The following TKT variants were observed in gnomAD, a reference collection of about 807,000 sequenced individuals.
TKT encodes transketolase, also known as epididymis luminal protein 107.
Under a neutral mutation model 63.9 loss-of-function variants are expected in TKT, and 47 were observed. That is an observed-to-expected ratio of 0.74 (90% CI 0.58 to 0.94). The LOEUF (loss-of-function observed/expected upper bound fraction) is 0.94. Among genes scored for constraint, TKT ranks in the 40% least tolerant of loss-of-function variants. The pLI is 0.00. For synonymous variants in TKT, 338 were observed against 334.1 expected (o/e 1.01, Z -0.13); for missense variants, 721 against 846.2 (o/e 0.85, Z 1.84).
chr3:53,229,231 G>C, intron 9 of TKT, 49 bp downstream of exon 9: 2 of 1,612,970 alleles, frequency 1.2e-6, no homozygotes, highest in Non-Finnish European at 1.7e-6. Flanking sequence ...ATACCTCCTG[G>C]TGCAAAAGTC....
chr3:53,229,200 A>G, intron 9 of TKT, 63 bp from the exon 10 acceptor site: 1 of 1,613,080 alleles, frequency 6.2e-7, no homozygotes, highest in East Asian at 2.2e-5. Flanking sequence ...ATGGGCTGGA[A>G]TCCTGGCCCA....
At chr3:53,226,187 T>C (rs782284640) in intron 13 of TKT, 1 of 420,560 alleles carries the variant, frequency 2.4e-6, no homozygotes, top group Non-Finnish European at 4.2e-6. Flanking sequence ...CCCAAAGTGC[T>C]GGGATTGCAG....
At chr3:53,242,289 T>G (rs781893606) in intron 1 of TKT, 47 bp from the exon 2 acceptor site, 2 of 1,572,084 alleles carry the variant, frequency 1.3e-6, no homozygotes, top group Non-Finnish European at 1.7e-6. Context: ...GGCCCTGCAC[T>G]CCTGAGCTAT....
chr3:53,241,523 C>T (rs782100029), intron 2 of TKT, among the ~76,000 whole-genome samples: 7 of 152,238 alleles, frequency 4.6e-5, no homozygotes, highest in Non-Finnish European at 8.8e-5. Context: ...AGCAGGCAGC[C>T]GGCTGCCCTA....
chr3:53,228,187 C>G (rs1462873252), intron 11 of TKT, 38 bp from the exon 12 acceptor site: 19 of 1,613,530 alleles, frequency 1.2e-5, no homozygotes, highest in Non-Finnish European at 1.5e-5. Context: ...GCTCAGGGCC[C>G]TGGGGCAGGG....
chr3:53,245,385 G>C (rs1472624895), intron 1 of TKT, among the ~76,000 whole-genome samples: 1 of 151,514 alleles, frequency 6.6e-6, no homozygotes, highest in Non-Finnish European at 1.5e-5. Flanking sequence ...CTGGCCAGGA[G>C]AATCTCTGTC....
chr3:53,233,178 G>C lies in TKT; in HGVS notation c.726C>G (p.Thr242=). 6.2e-7 allele frequency: 1 copy of C among 1,613,974 alleles called. No homozygotes were observed. Among genetic ancestry groups the C allele is most frequent in the Non-Finnish European group, 8.5e-7 (1 of 1,179,942 alleles). Residue 242 remains threonine (T), a synonymous_variant, in exon 6 of 14, where the codon ACC becomes ACG. Transcript: ENST00000462138. ...KHQPTAIIAK[T]FKGRGITGVE... is the part of the protein sequence containing the mutation. ...GACCCGTGATCCCTCGGCCCTTGAA[G>C]GTCTTGGCAATGATGGCTGTTGGCT...
intron 2 of TKT, chr3:53,241,753 G>A: frequency 3.3e-6 from 1 of 301,176 alleles, no homozygotes; most frequent in Non-Finnish European, 6.5e-6. Context: ...CGGGAGCGCT[G>A]GCACAACACA....
At position 53,230,494 on chromosome 3, in the gene TKT, T is replaced by A. The variant is rs782378956; in HGVS notation, c.1070A>T (p.Asp357Val). 3 of 1,614,080 alleles carry A rather than the reference T, an allele frequency of 1.9e-6. No individual in the cohort carries two copies. Among genetic ancestry groups the A allele is most frequent in the African/African-American group, 1.3e-5 (1 of 74,930 alleles). ...FSEIFKKEHPDRFIECYIAEQ... is the reference protein window; with the variant it reads ...FSEIFKKEHPVRFIECYIAEQ... ...AGCAATGTAGCACTCGATGAAGCGG[T>A]CCGGGTGCTCCTTTTTGAAGATCTC... is the stretch of plus-strand genomic sequence containing the variant. The change falls in exon 8 of 14, where the codon GAC becomes GTC. Residue 357 changes from aspartate (D) to valine (V), a missense_variant. By Grantham distance (152) the Asp-to-Val change is radical. Transcript: ENST00000462138.
rs1219756432 is a variant in TKT at position 53,225,571 on chromosome 3, AGC to A, written c.*183_*184del. The A allele has an allele frequency of 1.1e-4, 72 of 646,570 alleles. No homozygotes were observed. In the Admixed American group the frequency reaches 2.3e-3, roughly 21 times the overall value. 40.1% of individuals were successfully genotyped at this position (646,570 alleles called of 1,614,324 possible). ...CAGGACCAAGGACACCAGCCTCCCT[AGC>A]GCACCCTCCACGCTTCTTCCCCAGA... On this transcript the variant is annotated 3_prime_UTR_variant, in exon 14 of 14. Coordinates refer to ENST00000462138, the MANE Select transcript of TKT (RefSeq NM_001064.4).
chr3:53,254,590 A>G (rs1210550403), intron 1 of TKT, among the ~76,000 whole-genome samples: 1 of 152,196 alleles, frequency 6.6e-6, no homozygotes, highest in Non-Finnish European at 1.5e-5. Flanking sequence ...TTGTTTGGGA[A>G]GGTCCCGAGA....
At position 53,241,243 on chromosome 3, in the gene TKT, G is replaced by A; in HGVS notation, c.228C>T (p.Gly76=). 1 of 1,598,520 alleles carries A rather than the reference G, an allele frequency of 6.3e-7. No homozygotes were observed. Residue 76 remains glycine (G), a splice_region_variant and synonymous_variant, in exon 3 of 14, where the codon GGC becomes GGT. Transcript: ENST00000462138. ...CCGCGTAGAGGATGGGAGCTGCATG[G>A]CCCTGCCGGGAGATGGATGGTGGGG... The part of the protein sequence containing the change: ...PHNDRFVLSK[G]HAAPILYAVW...
At chr3:53,230,819 G>A (rs1704721698) in intron 7 of TKT, among the ~76,000 whole-genome samples, 198 bp from the exon 8 acceptor site, 2 of 9,914 alleles carry the variant, frequency 2.0e-4, no homozygotes, top group Non-Finnish European at 0.014. Flanking sequence ...CTGGAGCCCC[G>A]GCCCCTTCTG....
In TKT at chr3:53,226,825, T is replaced by C; in HGVS notation, c.1627A>G (p.Lys543Glu). 1 of 1,614,016 alleles carries C rather than the reference T, an allele frequency of 6.2e-7. No homozygotes were observed. The highest frequency in any genetic ancestry group is 8.5e-7 in the Non-Finnish European group (1 of 1,179,946). Residue 543 changes from lysine (K) to glutamate (E), a missense_variant, in exon 13 of 14, where the codon AAA becomes GAA. Physicochemically the swap from Lys to Glu is moderately conservative, Grantham distance 56. Coordinates refer to ENST00000462138, the MANE Select transcript of TKT (RefSeq NM_001064.4). ...DPFTIKPLDR[K>E]LILDSARATK... ...GCACGAGCGCTGTCGAGAATGAGTT[T>C]TCTGTCCAGGGGCTTGATGGTGAAG...
chr3:53,249,168 A>G (rs1197428392), intron 1 of TKT, among the ~76,000 whole-genome samples: 1 of 17,844 alleles, frequency 5.6e-5, no homozygotes, highest in African/African-American at 2.7e-4. Flanking sequence ...ACAGGGTTTC[A>G]CCATGTTGGC....
chr3:53,227,471 C>CA (rs1704549373), intron 12 of TKT: 1 of 158,858 alleles, frequency 6.3e-6, no homozygotes, highest in Admixed American at 6.1e-5. Flanking sequence ...AATTCCTACC[C>CA]ACTCTGAAGC....
At chr3:53,252,278 G>A (rs1559661569) in intron 1 of TKT, among the ~76,000 whole-genome samples, 1 of 152,216 alleles carries the variant, frequency 6.6e-6, no homozygotes, top group Non-Finnish European at 1.5e-5. Context: ...ATGCCTCATT[G>A]CAGAGAGGGA....
intron 1 of TKT, among the ~76,000 whole-genome samples, chr3:53,250,304 G>T (rs769635835): frequency 8.5e-5 from 13 of 152,186 alleles, no homozygotes; most frequent in Non-Finnish European, 1.8e-4. Context: ...CAAGCCTTCA[G>T]CCAAAGCACC....
At chr3:53,242,069 C>G (rs1553679987) in intron 2 of TKT, 56 bp downstream of exon 2, 3 of 1,524,518 alleles carry the variant, frequency 2.0e-6, no homozygotes, top group Non-Finnish European at 1.8e-6. Context: ...TTCCAGGGCC[C>G]GTGTGACCCT....
Sources: allele counts gnomAD v4.1 joint callset (sites outside exome capture counted in the v4.1 genomes callset), GRCh38; gene constraint gnomAD v4.1.1; transcripts MANE v1.5; gene names NCBI Gene and HGNC (gene_info 2026-07-23, HGNC 2026-07-21).